The following NCAPD3 variants were observed in gnomAD, a reference collection of about 807,000 sequenced individuals.
The protein encoded by NCAPD3 is condensin-2 complex subunit D3.
NCAPD3 carries 105 observed loss-of-function variants against 182.9 expected under a neutral mutation model. The ratio of observed to expected loss-of-function variants is 0.57; its 90% CI spans 0.49 to 0.68. NCAPD3 has a LOEUF of 0.68. NCAPD3 is among the 30% of genes least tolerant of loss of function. The pLI is 0.00. For synonymous variants in NCAPD3, 815 were observed against 679.9 expected (o/e 1.20, Z -3.09); for missense variants, 1,944 against 1,837.0 (o/e 1.06, Z -1.07).
rs1943469234 is a variant in NCAPD3, at chr11:134,157,932, AC to A, written c.4169del (p.Ser1390IlefsTer19). 1 of 1,613,630 alleles carries A rather than the reference AC, an allele frequency of 6.2e-7. No individual in the cohort carries two copies. Among genetic ancestry groups the A allele is most frequent in the Non-Finnish European group, 8.5e-7 (1 of 1,179,678 alleles). ...GGCACCAAACATAAGGCTTACCCTG[AC>A]TGCACGTTTTTTCTGGGCTTCCAGA... Reference protein sequence around the residue: ...LNSGSPEKTCSQVSSYSLEQE... With the variant: ...LNSGSPEKTCXQVSSYSLEQE... On this transcript the variant is annotated frameshift_variant, in exon 31 of 35. Transcript: ENST00000534548. LOFTEE classifies it high-confidence loss of function.
At position 134,185,378 on chromosome 11, in the gene NCAPD3, G is replaced by T. The variant is rs776696181; in HGVS notation, c.2194C>A (p.Leu732Met). 6.2e-6 allele frequency: 10 copies of T among 1,613,584 alleles called. No homozygotes were observed. In the East Asian group the frequency reaches 2.0e-4, roughly 32 times the overall value. ...GATTGTATTATTCTGCTGTAGTCCA[G>T]CCTGGGTGAGGAGCCAGCAATCTTG... ...LSKIAGSSPR[L>M]DYSRIIQSWE... is the part of the protein sequence containing the mutation. Residue 732 changes from leucine (L) to methionine (M), a missense_variant, in exon 17 of 35, where the codon CTG becomes ATG. Coordinates refer to ENST00000534548, the MANE Select transcript of NCAPD3 (RefSeq NM_015261.3).
In NCAPD3 at chr11:134,204,750, C is replaced by T. The variant is rs751119568; in HGVS notation, c.1089+149G>A. 14 of 568,008 alleles carry T rather than the reference C, an allele frequency of 2.5e-5. No individual in the cohort carries two copies. The highest frequency in any genetic ancestry group is 3.7e-5 in the Admixed American group (1 of 26,756). The allele number at this position is 568,008 out of a possible 1,614,324, so 35.2% of individuals were successfully genotyped here. On this transcript the variant is annotated intron_variant, in intron 9 of 34. Coordinates refer to ENST00000534548, the MANE Select transcript of NCAPD3 (RefSeq NM_015261.3). The surrounding 1 kb of genome is among the most constrained non-coding windows in gnomAD (Gnocchi z 4.3). ...TTATAGAACACTTTTGTCTAGGGGA[C>T]CATCTAGTGAACATTAAATAAAACC...
intron 24 of NCAPD3, among the ~76,000 whole-genome samples, chr11:134,170,986 CTTGT>C (rs1169636724): frequency 6.6e-6 from 1 of 152,166 alleles, no homozygotes; most frequent in Non-Finnish European, 1.5e-5. Flanking sequence ...TATTTTGTTT[CTTGT>C]TTGTCTGCTG....
Position 134,220,832 on chromosome 11 carries a change from G to A in NCAPD3, c.65-106C>T, listed in dbSNP as rs536486488. The stretch of plus-strand genomic sequence containing the variant: ...AAGAGGAGAAAAGTTTACTAGTCAC[G>A]ATTCACATTTAACTTGTTTTAATAA... On this transcript the variant is annotated intron_variant, in intron 1 of 34. Coordinates refer to ENST00000534548, the MANE Select transcript of NCAPD3 (RefSeq NM_015261.3). 76 of 1,055,584 alleles carry A rather than the reference G, an allele frequency of 7.2e-5. 2 individuals carry two copies. Among genetic ancestry groups the A allele is most frequent in the East Asian group, 7.0e-4 (29 of 41,372 alleles). 65.4% of individuals were successfully genotyped at this position (1,055,584 alleles called of 1,614,324 possible).
intron 28 of NCAPD3, among the ~76,000 whole-genome samples, chr11:134,160,283 G>C (rs1408216859): frequency 6.6e-6 from 1 of 152,144 alleles, no homozygotes; most frequent in African/African-American, 2.4e-5. Context: ...ATTACTGAAA[G>C]CAGATGATTT....
intron 20 of NCAPD3, among the ~76,000 whole-genome samples, 175 bp downstream of exon 20, chr11:134,180,902 A>G (rs1944281555): frequency 6.6e-6 from 1 of 152,260 alleles, no homozygotes; most frequent in South Asian, 2.1e-4. Context: ...GTATATAAGA[A>G]AAAAATGAAT....
chr11:134,223,121 A>T (rs764896776), intron 1 of NCAPD3: 5 of 387,232 alleles, frequency 1.3e-5, no homozygotes, highest in Non-Finnish European at 2.4e-5. Flanking sequence ...GGATGTGGTC[A>T]TTTATTTAGG....
chr11:134,215,363 T>TAGAA (rs1397802776), intron 3 of NCAPD3, among the ~76,000 whole-genome samples: 5 of 152,066 alleles, frequency 3.3e-5, no homozygotes, highest in African/African-American at 1.2e-4. Context: ...GAACCCAGAC[T>TAGAA]AGAAAGAAAG....
At chr11:134,165,898 G>A (rs1381584026) in intron 27 of NCAPD3, among the ~76,000 whole-genome samples, 4 of 118,886 alleles carry the variant, frequency 3.4e-5, no homozygotes, top group South Asian at 3.1e-4. Flanking sequence ...TTGGGGGAGG[G>A]GCACACTCAC....
chr11:134,170,090 A>C (rs939238534), intron 24 of NCAPD3, among the ~76,000 whole-genome samples: 2 of 152,266 alleles, frequency 1.3e-5, no homozygotes, highest in Non-Finnish European at 2.9e-5. Context: ...TTCACAGCAC[A>C]CATATCAATT....
At chr11:134,194,478 A>G (rs1181031873) in intron 14 of NCAPD3, among the ~76,000 whole-genome samples, 187 bp downstream of exon 14, 1 of 152,252 alleles carries the variant, frequency 6.6e-6, no homozygotes, top group African/African-American at 2.4e-5. Context: ...GAAACCCTGT[A>G]GGAAAGCTTA....
intron 2 of NCAPD3, among the ~76,000 whole-genome samples, chr11:134,219,482 G>A (rs1489923840): frequency 2.6e-5 from 4 of 152,090 alleles, no homozygotes; most frequent in African/African-American, 7.2e-5. Flanking sequence ...AGATTGTATC[G>A]TAATCCCCAC....
intron 20 of NCAPD3, among the ~76,000 whole-genome samples, chr11:134,180,281 G>A (rs987884583): frequency 2.6e-5 from 4 of 152,178 alleles, no homozygotes; most frequent in Admixed American, 1.3e-4. Context: ...ATCACTGGGC[G>A]TTAGGAGAGC....
In NCAPD3 at chr11:134,151,845, A is replaced by G. The variant is rs905500906; in HGVS notation, c.*1099T>C. 1.6e-4 allele frequency: 12 copies of G among 77,378 alleles called. No individual in the cohort carries two copies. Among genetic ancestry groups the G allele is most frequent in the Admixed American group, 4.2e-4 (2 of 4,790 alleles). 4.8% of individuals were successfully genotyped at this position (77,378 alleles called of 1,614,324 possible). ...GTTAGGCATGCACACTAAAAATGCT[A>G]TCAATCACCCATCCACCAGGGAAGT... On this transcript the variant is annotated 3_prime_UTR_variant, in exon 35 of 35. Transcript: ENST00000534548.
intron 1 of NCAPD3, among the ~76,000 whole-genome samples, chr11:134,223,648 G>A (rs1938331082): frequency 1.3e-5 from 2 of 152,230 alleles, no homozygotes; most frequent in African/African-American, 4.8e-5. Context: ...GCCAACATTC[G>A]CTTATTCTAA....
chr11:134,161,872 AT>A lies in NCAPD3; in HGVS notation c.3592del (p.Ile1198Ter). On this transcript the variant is annotated frameshift_variant, in exon 28 of 35. Transcript: ENST00000534548. LOFTEE classifies it high-confidence loss of function. ...LISQVQKRNF[I>X]ENIIPIIISL... ...GATGATAATTGGAATAATATTTTCT[AT>A]GAAATTCCTCTTCTGAACCTGGTAA... The A allele has an allele frequency of 6.4e-7, 1 of 1,556,008 alleles. No homozygotes were observed. Among genetic ancestry groups the A allele is most frequent in the Non-Finnish European group, 8.8e-7 (1 of 1,137,194 alleles).
rs765115216 is a variant in NCAPD3 at position 134,206,638 on chromosome 11, T to G, written c.977A>C (p.Gln326Pro). 28 of 1,613,556 alleles carry G rather than the reference T, an allele frequency of 1.7e-5. No homozygotes were observed. In the South Asian group the frequency reaches 3.0e-4, roughly 17 times the overall value. The change falls in exon 8 of 35, where the codon CAA becomes CCA. Residue 326 changes from glutamine (Q) to proline (P), a missense_variant. Gln to Pro is a moderately conservative substitution (Grantham distance 76). Transcript: ENST00000534548. Reference protein sequence around the residue: ...SHRAPLAVTSQVINCRNQAVQ... With the variant: ...SHRAPLAVTSPVINCRNQAVQ... Reference sequence around the variant, plus strand: ...CGCCTGGTTTCTACAGTTGATGACTTGGGAGGTAACAGCAAGGGGGGCACG... The same window carrying G: ...CGCCTGGTTTCTACAGTTGATGACTGGGGAGGTAACAGCAAGGGGGGCACG...
chr11:134,192,672 T>C lies in NCAPD3; in HGVS notation c.2045+17A>G, dbSNP rs1347809832. 1 of 1,601,344 alleles carries C rather than the reference T, an allele frequency of 6.2e-7. No homozygotes were observed. The highest frequency in any genetic ancestry group is 2.2e-5 in the East Asian group (1 of 44,814). ...GGCCTTCTTCTATAGGGAACACAGG[T>C]CATACAGTTAACCTACCTCAGTTCC... On this transcript the variant is annotated intron_variant, in intron 16 of 34. Transcript: ENST00000534548.
rs138084576 is a variant in NCAPD3, at chr11:134,218,009, G to C, written c.220-911C>G. On this transcript the variant is annotated intron_variant, in intron 2 of 34. Coordinates refer to ENST00000534548, the MANE Select transcript of NCAPD3 (RefSeq NM_015261.3). ...GCTACTCAGGAGGGTGAGGTGGGAG[G>C]CTCATGTGAGCCCAATAAGTTGAGG... Among the ~76,000 whole-genome samples the C allele has an allele frequency of 8.1e-3, 1,213 of 150,092 alleles. 14 individuals are homozygous for C. The highest frequency in any genetic ancestry group is 0.029 in the African/African-American group (1,175 of 40,832).
Sources: allele counts gnomAD v4.1 joint callset (sites outside exome capture counted in the v4.1 genomes callset), GRCh38; gene constraint gnomAD v4.1.1; non-coding constraint Gnocchi (gnomAD v3.1); transcripts MANE v1.5; gene names NCBI Gene and HGNC (gene_info 2026-07-23, HGNC 2026-07-21).